Variants in EPS15L1 observed in about 807,000 individuals in gnomAD.
EPS15L1 encodes the protein epidermal growth factor receptor pathway substrate 15 like 1, also known as epidermal growth factor receptor substrate 15-like 1.
Under a neutral mutation model 117.1 loss-of-function variants are expected in EPS15L1, and 43 were observed. The ratio of observed to expected loss-of-function variants is 0.37; its 90% CI spans 0.29 to 0.47. The LOEUF (loss-of-function observed/expected upper bound fraction) is 0.47. Ranked by LOEUF, EPS15L1 falls within the 20% of genes least tolerant of loss-of-function variation. The pLI is 0.99. For missense variants in EPS15L1, 981 were observed against 1,164.0 expected (o/e 0.84, Z 2.29); for synonymous variants, 459 against 470.5 (o/e 0.98, Z 0.32).
chr19:16,447,992 T>A (rs538462761), intron 1 of EPS15L1, among the ~76,000 whole-genome samples: 115 of 152,180 alleles, frequency 7.6e-4, no homozygotes, highest in Non-Finnish European at 1.4e-3. Flanking sequence ...GCAAAAGTAT[T>A]TCAGGAGGAA....
chr19:16,428,639 G>T, intron 8 of EPS15L1, 63 bp downstream of exon 8: 1 of 1,203,634 alleles, frequency 8.3e-7, no homozygotes, highest in Non-Finnish European at 1.2e-6. Context: ...AACGAATCCA[G>T]CAACCCCTGC....
intron 11 of EPS15L1, 54 bp downstream of exon 11, chr19:16,417,894 G>A: frequency 6.4e-7 from 1 of 1,570,074 alleles, no homozygotes; most frequent in South Asian, 1.2e-5. Context: ...CCACCTGGTG[G>A]CAGGCGGTGG....
intron 7 of EPS15L1, among the ~76,000 whole-genome samples, chr19:16,433,964 T>C (rs1434164440): frequency 1.5e-5 from 2 of 135,970 alleles, no homozygotes; most frequent in Non-Finnish European, 3.3e-5. Flanking sequence ...CTCCATCTCA[T>C]AAATAAATAA....
intron 16 of EPS15L1, among the ~76,000 whole-genome samples, chr19:16,395,770 C>T (rs554730175): frequency 7.9e-5 from 12 of 152,092 alleles, no homozygotes; most frequent in Non-Finnish European, 1.5e-4. Flanking sequence ...ATGGTGAAAA[C>T]CTGTCTCTAC....
At chr19:16,401,310 C>G (rs544822612) in intron 16 of EPS15L1, 32 of 985,232 alleles carry the variant, frequency 3.2e-5, no homozygotes, top group Admixed American at 6.2e-5. Flanking sequence ...GAGGACTTGG[C>G]TGCTGAGAAA....
At chr19:16,428,639 GC>G in intron 8 of EPS15L1, 62 bp downstream of exon 8, 1 of 1,203,636 alleles carries the variant, frequency 8.3e-7, no homozygotes, top group East Asian at 2.4e-5. Flanking sequence ...AACGAATCCA[GC>G]AACCCCTGCG....
At chr19:16,429,566 C>A (rs1280005016) in intron 7 of EPS15L1, among the ~76,000 whole-genome samples, 1 of 152,184 alleles carries the variant, frequency 6.6e-6, no homozygotes, top group African/African-American at 2.4e-5. Context: ...GCTCAGGCCT[C>A]ACCAGCCCAC....
chr19:16,391,715 G>A (rs958780295), intron 19 of EPS15L1, among the ~76,000 whole-genome samples: 2 of 150,084 alleles, frequency 1.3e-5, no homozygotes, highest in South Asian at 2.1e-4. Flanking sequence ...TGTCTGCCAC[G>A]CCCGGGGATG....
chr19:16,364,003 G>C (rs1055708101), intron 22 of EPS15L1, among the ~76,000 whole-genome samples: 1 of 152,094 alleles, frequency 6.6e-6, no homozygotes, highest in East Asian at 1.9e-4. Flanking sequence ...CGGGGTCGCC[G>C]TTGCATCCTT....
chr19:16,394,415 G>A (rs927883718), intron 17 of EPS15L1, among the ~76,000 whole-genome samples: 1 of 150,352 alleles, frequency 6.7e-6, no homozygotes, highest in African/African-American at 2.4e-5. Flanking sequence ...GCAATGAGGC[G>A]GCGGCACCCC....
chr19:16,359,176 G>A (rs1210095529), intron 23 of EPS15L1, among the ~76,000 whole-genome samples: 2 of 152,148 alleles, frequency 1.3e-5, no homozygotes, highest in Admixed American at 1.3e-4. Flanking sequence ...GTCTCAGAAC[G>A]TCCACGCTGA....
At chr19:16,359,210 G>C (rs1217555179) in intron 23 of EPS15L1, among the ~76,000 whole-genome samples, 2 of 152,140 alleles carry the variant, frequency 1.3e-5, no homozygotes, top group Non-Finnish European at 2.9e-5. Context: ...CCAATCTGCC[G>C]GGCAGTCAGA....
chr19:16,424,450 GC>G (rs914232295), intron 9 of EPS15L1, among the ~76,000 whole-genome samples: 11 of 151,986 alleles, frequency 7.2e-5, no homozygotes, highest in African/African-American at 2.7e-4. Flanking sequence ...AGTGAGTTTG[GC>G]CCCACTAGCT....
In EPS15L1 at chr19:16,404,637, C is replaced by T. The variant is rs139234501; in HGVS notation, c.1379G>A (p.Arg460Gln). 56 of 1,614,036 alleles carry T rather than the reference C, an allele frequency of 3.5e-5. No individual in the cohort carries two copies. The Middle Eastern group carries it at 4.9e-4, about 14-fold the overall frequency. ...CTGCCGGACGTCGCTCAGCATGTCT[C>T]GGAGCTTGGCCTTCTGCTGGTCCAT... ...DEMDQQKAKL[R>Q]DMLSDVRQKC... The change falls in exon 14 of 24, where the codon CGA becomes CAA. Residue 460 changes from arginine to glutamine, a missense_variant. Physicochemically the swap from Arg to Gln is conservative, Grantham distance 43 (BLOSUM62 1). Transcript: ENST00000455140. The surrounding 1 kb of genome is among the most constrained non-coding windows in gnomAD (Gnocchi z 4.2).
chr19:16,418,021 C>T lies in EPS15L1; in HGVS notation c.1034G>A (p.Ser345Asn), dbSNP rs2092776502. The T allele has an allele frequency of 1.2e-6, 2 of 1,614,234 alleles. No homozygotes were observed. Among genetic ancestry groups the T allele is most frequent in the African/African-American group, 1.3e-5 (1 of 75,072 alleles). ...LAMYFIQQKV[S>N]KGIDPPQVLS... Reference sequence around the variant, plus strand: ...GACTTGAGGAGGGTCGATGCCTTTACTGACCTTCTGCTGAATGAAATACAT... The same window carrying T: ...GACTTGAGGAGGGTCGATGCCTTTATTGACCTTCTGCTGAATGAAATACAT... Residue 345 changes from serine to asparagine, a missense_variant, in exon 11 of 24, where the codon AGT (serine) becomes AAT (asparagine). By Grantham distance (46) the Ser-to-Asn change is conservative. Around this residue, in one of 5 missense-constraint regions of EPS15L1, gnomAD observed 819 missense variants for 949.0 expected, o/e 0.86. Coordinates refer to ENST00000455140, the MANE Select transcript of EPS15L1 (RefSeq NM_001258374.3).
In EPS15L1 at chr19:16,448,550, G is replaced by GC. The variant is rs1555767232; in HGVS notation, c.34-6332_34-6331insG. Among the ~76,000 whole-genome samples the GC allele has an allele frequency of 3.2e-4, 46 of 143,090 alleles. 1 individual carries two copies. The highest frequency in any genetic ancestry group is 1.2e-3 in the African/African-American group (46 of 37,750). 93.9% of individuals were successfully genotyped at this position (143,090 alleles called of 152,430 possible). A position where few individuals can be genotyped will look rare whatever the true frequency, so the allele number is the denominator to read the frequency against. On this transcript the variant is annotated intron_variant, in intron 1 of 23. Coordinates refer to ENST00000455140, the MANE Select transcript of EPS15L1 (RefSeq NM_001258374.3). ...CAAAATTCCGTATTAAAAAAAAAGG[G>GC]GGGGGGAGAAAGGCCGGGCGCGGTG...
chr19:16,371,600 G>A lies in EPS15L1; in HGVS notation c.2380+5522C>T, dbSNP rs868584477. On this transcript the variant is annotated intron_variant, in intron 22 of 23. Transcript: ENST00000455140. This position sits in a 1 kb window ranked among gnomAD's most constrained non-coding sequence, Gnocchi z 4.7. Reference sequence around the variant, plus strand: ...GGTTAAAGGTGACTGGCTGGTTAGCGGTAGAACTGCGCTGGCTGGTGTCAC... The same window carrying A: ...GGTTAAAGGTGACTGGCTGGTTAGCAGTAGAACTGCGCTGGCTGGTGTCAC... Among the ~76,000 whole-genome samples, 3 of 152,242 alleles carry A rather than the reference G, an allele frequency of 2.0e-5. No individual in the cohort carries two copies. The highest frequency in any genetic ancestry group is 3.4e-3 in the Middle Eastern group (1 of 294).
chr19:16,442,610 T>G (rs958635202), intron 1 of EPS15L1, among the ~76,000 whole-genome samples: 1 of 152,142 alleles, frequency 6.6e-6, no homozygotes, highest in African/African-American at 2.4e-5. Context: ...AAAAGAAGTT[T>G]CCACGCATTA....
At chr19:16,376,774 T>C (rs2092301242) in intron 22 of EPS15L1, among the ~76,000 whole-genome samples, 1 of 152,192 alleles carries the variant, frequency 6.6e-6, no homozygotes, top group Non-Finnish European at 1.5e-5. Flanking sequence ...GAGTGGCTCC[T>C]GAAGTATAGC....
Sources: allele counts gnomAD v4.1 joint callset (sites outside exome capture counted in the v4.1 genomes callset), GRCh38; gene constraint gnomAD v4.1.1; regional missense constraint gnomAD v4.1.1; non-coding constraint Gnocchi (gnomAD v3.1); transcripts MANE v1.5; gene names NCBI Gene and HGNC (gene_info 2026-07-23, HGNC 2026-07-21).